Variants in ZNF724 observed in about 807,000 individuals in gnomAD.
ZNF724 encodes the protein zinc finger protein 724.
Under a neutral mutation model 29.3 loss-of-function variants are expected in ZNF724, and 14 were observed. The ratio of observed to expected loss-of-function variants is 0.48; its 90% CI spans 0.32 to 0.75. ZNF724 has a LOEUF of 0.75. Ranked by LOEUF, ZNF724 falls within the 30% of genes least tolerant of loss-of-function variation. The pLI, the probability that ZNF724 is intolerant of heterozygous loss-of-function variation, is 0.04. For synonymous variants in ZNF724, 180 were observed against 193.6 expected, an observed-to-expected ratio of 0.93 and a Z score of 0.58; for missense variants, 557 against 571.2, an observed-to-expected ratio of 0.98 and a Z score of 0.25.
chr19:23,225,497 T>C (rs1971810591), intron 3 of ZNF724, among the ~76,000 whole-genome samples: 1 of 151,884 alleles, frequency 6.6e-6, no homozygotes, highest in African/African-American at 2.4e-5. Flanking sequence ...TCCCCACTAC[T>C]CAGGAGGCTG....
chr19:23,247,174 G>C (rs1972253515), intron 1 of ZNF724, among the ~76,000 whole-genome samples: 1 of 152,104 alleles, frequency 6.6e-6, no homozygotes, highest in African/African-American at 2.4e-5. Context: ...AGTGAGCTGA[G>C]AACATGCCAC....
chr19:23,238,447 G>A (rs1454783125), intron 1 of ZNF724, among the ~76,000 whole-genome samples: 1 of 152,140 alleles, frequency 6.6e-6, no homozygotes, highest in African/African-American at 2.4e-5. Context: ...GAGTCAGAAA[G>A]AATGACAAAA....
intron 1 of ZNF724, among the ~76,000 whole-genome samples, chr19:23,233,575 G>T (rs1448446974): frequency 6.6e-6 from 1 of 151,926 alleles, no homozygotes; most frequent in Non-Finnish European, 1.5e-5. Context: ...TGATAATTTT[G>T]CAAGGCATAT....
chr19:23,240,093 C>A (rs1031118527), intron 1 of ZNF724, among the ~76,000 whole-genome samples: 3 of 151,964 alleles, frequency 2.0e-5, no homozygotes, highest in Non-Finnish European at 2.9e-5. Flanking sequence ...AGGTGGATCA[C>A]CTGAGGTCAG....
chr19:23,249,855 G>A (rs1972316843), intron 1 of ZNF724, among the ~76,000 whole-genome samples: 2 of 152,118 alleles, frequency 1.3e-5, no homozygotes, highest in East Asian at 1.9e-4. Context: ...TTTAATAGGG[G>A]GAAAGATGAA....
intron 3 of ZNF724, among the ~76,000 whole-genome samples, chr19:23,224,415 AAAAC>A (rs375587468): frequency 7.8e-4 from 119 of 152,254 alleles, no homozygotes; most frequent in South Asian, 1.5e-3. Context: ...TTTGACTCAA[AAAAC>A]AAACAAACAA....
chr19:23,229,252 G>T (rs1480361343), intron 3 of ZNF724, among the ~76,000 whole-genome samples: 1 of 152,042 alleles, frequency 6.6e-6, no homozygotes, highest in South Asian at 2.1e-4. Context: ...TGGTCCCACT[G>T]AGAATACTGA....
In ZNF724 at chr19:23,224,954, C is replaced by T. The variant is rs1320672436; in HGVS notation, c.227-936G>A. ...TGGGCAACAGAGCAAGACTCCGTCT[C>T]AAACAAAAAAACAAACAAACAACAA... On this transcript the variant is annotated intron_variant, in intron 3 of 3. Coordinates refer to ENST00000418100, the MANE Select transcript of ZNF724 (RefSeq NM_001355404.2). Among the ~76,000 whole-genome samples, 3 of 150,688 alleles carry T rather than the reference C, an allele frequency of 2.0e-5. No individual in the cohort carries two copies. In the East Asian group the frequency reaches 5.9e-4, roughly 30 times the overall value.
intron 1 of ZNF724, among the ~76,000 whole-genome samples, chr19:23,245,594 G>A (rs1485975546): frequency 6.6e-6 from 1 of 151,204 alleles, no homozygotes; most frequent in African/African-American, 2.4e-5. Flanking sequence ...GACCTGGGCA[G>A]CAGAGCAAGA....
At chr19:23,234,252 C>T (rs1971986609) in intron 1 of ZNF724, among the ~76,000 whole-genome samples, 1 of 152,126 alleles carries the variant, frequency 6.6e-6, no homozygotes, top group Non-Finnish European at 1.5e-5. Flanking sequence ...TTAATTAAAA[C>T]AACATAAATG....
chr19:23,238,209 CA>C (rs924879110), intron 1 of ZNF724, among the ~76,000 whole-genome samples: 1 of 151,882 alleles, frequency 6.6e-6, no homozygotes. Context: ...ACTAAAAATA[CA>C]AAAAATTAGC....
At position 23,222,351 on chromosome 19, in the gene ZNF724, A is replaced by G. The variant is rs1393172219; in HGVS notation, c.*34T>C. On this transcript the variant is annotated 3_prime_UTR_variant, in exon 4 of 4. Transcript: ENST00000418100. ...CTTGGCCTCCCAAAGTGCTGGGATTACAGGTGTGAGCCACCACGCCTGGTC... is the reference window on the plus strand; with the variant it reads ...CTTGGCCTCCCAAAGTGCTGGGATTGCAGGTGTGAGCCACCACGCCTGGTC... 1.2e-6 allele frequency: 1 copy of G among 848,918 alleles called. No individual in the cohort carries two copies. The highest frequency in any genetic ancestry group is 1.9e-6 in the Non-Finnish European group (1 of 533,454). The allele number at this position is 848,918 out of a possible 1,614,324, so 52.6% of individuals were successfully genotyped here.
At chr19:23,237,624 G>A (rs746830071) in intron 1 of ZNF724, among the ~76,000 whole-genome samples, 12 of 150,886 alleles carry the variant, frequency 8.0e-5, no homozygotes, top group Non-Finnish European at 1.5e-4. Flanking sequence ...TATAATTTAG[G>A]TCGGGCGCAG....
At chr19:23,249,001 A>T (rs1972295983) in intron 1 of ZNF724, among the ~76,000 whole-genome samples, 1 of 133,478 alleles carries the variant, frequency 7.5e-6, no homozygotes, top group Non-Finnish European at 1.7e-5. Context: ...AACAAAACAA[A>T]CAAACAAACA....
intron 1 of ZNF724, among the ~76,000 whole-genome samples, chr19:23,248,349 C>T (rs1028097581): frequency 2.6e-5 from 4 of 151,966 alleles, no homozygotes; most frequent in African/African-American, 9.7e-5. Flanking sequence ...TTTCAGTTCT[C>T]GAGATTGTCA....
intron 1 of ZNF724, among the ~76,000 whole-genome samples, chr19:23,238,680 C>T (rs1332983438): frequency 2.6e-5 from 4 of 152,146 alleles, no homozygotes; most frequent in Admixed American, 2.0e-4. Flanking sequence ...TCTACGAGGC[C>T]GAGGTGGTTA....
intron 3 of ZNF724, among the ~76,000 whole-genome samples, chr19:23,226,273 G>A (rs902636654): frequency 2.0e-5 from 3 of 151,980 alleles, no homozygotes; most frequent in Non-Finnish European, 4.4e-5. Context: ...CAATGGTCTC[G>A]ACCTCCTGAC....
intron 1 of ZNF724, among the ~76,000 whole-genome samples, chr19:23,246,236 TAAGAA>T (rs968432434): frequency 2.8e-4 from 42 of 152,268 alleles, no homozygotes; most frequent in African/African-American, 9.9e-4. Context: ...TATACCTCAA[TAAGAA>T]AAGCAAAAGA....
intron 1 of ZNF724, among the ~76,000 whole-genome samples, chr19:23,233,872 C>G (rs1195228715): frequency 6.6e-6 from 1 of 151,764 alleles, no homozygotes; most frequent in Non-Finnish European, 1.5e-5. Flanking sequence ...ATTTTCTGGA[C>G]AAATTACACC....
Sources: allele counts gnomAD v4.1 joint callset (sites outside exome capture counted in the v4.1 genomes callset), GRCh38; gene constraint gnomAD v4.1.1; transcripts MANE v1.5; gene names NCBI Gene and HGNC (gene_info 2026-07-23, HGNC 2026-07-21).